The following LAMA2 variants were observed in gnomAD, a reference collection of about 807,000 sequenced individuals.
LAMA2 encodes laminin subunit alpha-2.
A neutral mutation model predicts 364.8 loss-of-function variants in LAMA2; 269 were observed. That is an observed-to-expected ratio of 0.74 (90% CI 0.67 to 0.82). The LOEUF is 0.82. Among genes scored for constraint, LAMA2 ranks in the 40% least tolerant of loss-of-function variants. LAMA2 has a pLI of 0.00. For missense variants in LAMA2, 3,807 were observed against 3,873.2 expected (o/e 0.98, Z 0.45); for synonymous variants, 1,379 against 1,370.6 (o/e 1.01, Z -0.14).
chr6:129,009,758 C>T (rs768193456), intron 1 of LAMA2, among the ~76,000 whole-genome samples: 8 of 152,104 alleles, frequency 5.3e-5, no homozygotes, highest in Non-Finnish European at 8.8e-5. Context: ...TGATTCTTAC[C>T]GCCTACCAGC....
At chr6:129,283,683 G>A (rs1229611551) in intron 18 of LAMA2, among the ~76,000 whole-genome samples, 1 of 150,984 alleles carries the variant, frequency 6.6e-6, no homozygotes, top group African/African-American at 2.4e-5. Flanking sequence ...AGATATCAAA[G>A]AAATTCCTTT....
At chr6:128,885,042 AT>A (rs1228878990) in intron 1 of LAMA2, among the ~76,000 whole-genome samples, 2 of 152,312 alleles carry the variant, frequency 1.3e-5, no homozygotes, top group East Asian at 3.9e-4. Context: ...GATGAAGTGA[AT>A]TCAGGAGGAA....
rs539926974 is a variant in LAMA2, at chr6:129,343,934, G to A, written c.4436+1467G>A. ...ATGGGCAAATGCTTACAAAATACAAGGCATGTGCAAAACCTAATAAGTAAC... is the reference window on the plus strand; with the variant it reads ...ATGGGCAAATGCTTACAAAATACAAAGCATGTGCAAAACCTAATAAGTAAC... On this transcript the variant is annotated intron_variant, in intron 30 of 64. Transcript: ENST00000421865. Among the ~76,000 whole-genome samples the A allele has an allele frequency of 8.5e-5, 13 of 152,178 alleles. No homozygotes were observed. The South Asian group carries it at 2.1e-3, about 24-fold the overall frequency.
At chr6:129,121,671 A>G (rs534204770) in intron 4 of LAMA2, among the ~76,000 whole-genome samples, 2 of 152,320 alleles carry the variant, frequency 1.3e-5, no homozygotes, top group South Asian at 4.1e-4. Flanking sequence ...GTGAATCTCT[A>G]TATTAGACTT....
chr6:128,893,746 A>C (rs1776602924), intron 1 of LAMA2, among the ~76,000 whole-genome samples: 1 of 152,050 alleles, frequency 6.6e-6, no homozygotes. Context: ...ATTTGATTGT[A>C]TTAAAATTAA....
chr6:129,261,182 T>C (rs1301314289), intron 15 of LAMA2, among the ~76,000 whole-genome samples: 2 of 152,012 alleles, frequency 1.3e-5, no homozygotes, highest in Non-Finnish European at 2.9e-5. Flanking sequence ...CTCTATTTTT[T>C]TTTTACTTTT....
chr6:128,958,985 C>A (rs1349477585), intron 1 of LAMA2, among the ~76,000 whole-genome samples: 1 of 152,180 alleles, frequency 6.6e-6, no homozygotes, highest in East Asian at 1.9e-4. Flanking sequence ...CTGCCTACAT[C>A]CTGCAACATA....
chr6:129,310,413 T>C (rs1437006569), intron 22 of LAMA2, among the ~76,000 whole-genome samples: 2 of 152,144 alleles, frequency 1.3e-5, no homozygotes, highest in Non-Finnish European at 2.9e-5. Flanking sequence ...CAGCCAGACT[T>C]GGATCTAGGA....
At chr6:129,236,274 A>AATTT (rs1784976416) in intron 12 of LAMA2, among the ~76,000 whole-genome samples, 1 of 152,146 alleles carries the variant, frequency 6.6e-6, no homozygotes, top group South Asian at 2.1e-4. Flanking sequence ...TCTGTGAGAT[A>AATTT]CTCAACTGAG....
chr6:129,512,290 C>T, intron 62 of LAMA2, 73 bp from the exon 63 acceptor site: 1 of 1,384,568 alleles, frequency 7.2e-7, no homozygotes, highest in South Asian at 1.2e-5. Flanking sequence ...AATAAAAAGT[C>T]ATGCATTGTA....
At chr6:129,288,558 A>G (rs1236639299) in intron 19 of LAMA2, among the ~76,000 whole-genome samples, 1 of 152,166 alleles carries the variant, frequency 6.6e-6, no homozygotes, top group Non-Finnish European at 1.5e-5. Flanking sequence ...GCACACAGGC[A>G]TTTGTCATTG....
At chr6:129,032,536 A>G (rs945413233) in intron 1 of LAMA2, among the ~76,000 whole-genome samples, 13 of 152,310 alleles carry the variant, frequency 8.5e-5, no homozygotes, top group African/African-American at 3.1e-4. Flanking sequence ...GTTGAATGTG[A>G]TCAGAGGACA....
At chr6:128,992,142 T>C (rs903027763) in intron 1 of LAMA2, among the ~76,000 whole-genome samples, 4 of 152,202 alleles carry the variant, frequency 2.6e-5, no homozygotes, top group African/African-American at 9.6e-5. Context: ...CTCATAGGTG[T>C]GTAATATGGT....
intron 35 of LAMA2, among the ~76,000 whole-genome samples, chr6:129,390,383 C>G (rs187030725): frequency 2.5e-4 from 38 of 152,012 alleles, no homozygotes; most frequent in Non-Finnish European, 2.9e-5. Context: ...TCTGCCTGCT[C>G]TGCTTGTCCT....
At chr6:129,387,663 A>G (rs1779088966) in intron 35 of LAMA2, among the ~76,000 whole-genome samples, 1 of 152,256 alleles carries the variant, frequency 6.6e-6, no homozygotes. Flanking sequence ...ATGCCCATCA[A>G]TGATAGATTA....
At chr6:129,399,047 T>C (rs1418271578) in intron 37 of LAMA2, among the ~76,000 whole-genome samples, 1 of 152,248 alleles carries the variant, frequency 6.6e-6, no homozygotes, top group Admixed American at 6.5e-5. Context: ...TTCAACAGGC[T>C]GTGCCTTTCT....
At chr6:129,228,547 T>C (rs1281931792) in intron 12 of LAMA2, among the ~76,000 whole-genome samples, 6 of 152,210 alleles carry the variant, frequency 3.9e-5, no homozygotes, top group Non-Finnish European at 8.8e-5. Context: ...TAAAATATTG[T>C]TTATTTCATT....
chr6:129,149,839 A>G (rs1274591791), intron 7 of LAMA2, among the ~76,000 whole-genome samples: 1 of 152,158 alleles, frequency 6.6e-6, no homozygotes, highest in Non-Finnish European at 1.5e-5. Context: ...TATAGCATTT[A>G]CATTTTGTTA....
intron 60 of LAMA2, among the ~76,000 whole-genome samples, chr6:129,504,862 A>C (rs1785932139): frequency 6.6e-6 from 1 of 152,194 alleles, no homozygotes; most frequent in Non-Finnish European, 1.5e-5. Flanking sequence ...CTACCCACTT[A>C]ATTTATGAAA....
Sources: gnomAD v4.1 joint callset for allele counts (sites outside exome capture counted in the v4.1 genomes callset) on GRCh38, gnomAD v4.1.1 for gene constraint, MANE v1.5 for transcripts, NCBI Gene and HGNC (gene_info 2026-07-23, HGNC 2026-07-21) for gene names.